ADORA2A: variants seen among roughly 807,000 people sequenced by gnomAD.
ADORA2A encodes the protein adenosine A2a receptor, also known as adenosine receptor A2a.
In ADORA2A, 11 loss-of-function variants were observed where a neutral mutation model predicts 18.4. The ratio of observed to expected loss-of-function variants is 0.60; its 90% CI spans 0.38 to 0.99. The LOEUF is 0.99. Among genes scored for constraint, ADORA2A ranks in the 50% least tolerant of loss-of-function variants. The probability of loss-of-function intolerance (pLI) is 0.01; values close to 1 mark genes in which losing one functional copy is unlikely to be tolerated. For synonymous variants in ADORA2A, 218 were observed against 237.3 expected (o/e 0.92, Z 0.75); for missense variants, 449 against 556.1 (o/e 0.81, Z 1.94).
At chr22:24,439,225 G>A (rs2043265626) in intron 2 of ADORA2A, 1 of 151,738 alleles carries the variant, frequency 6.6e-6, no homozygotes, top group Admixed American at 6.6e-5. Flanking sequence ...TGGGATTACA[G>A]GCCCCCGCCA....
At chr22:24,424,357 G>GGGAGCGTCCGTCCGTC (rs2042893981), upstream of ADORA2A, 1 of 152,008 alleles carries the variant, frequency 6.6e-6, no homozygotes, top group African/African-American at 2.4e-5. The surrounding 1 kb of genome is among the most constrained non-coding windows in gnomAD (Gnocchi z 4.9). Context: ...GTAGCGGGCG[G>GGGAGCGTCCGTCCGTC]GGAGCGTCCG....
chr22:24,428,594 C>G (rs1235736685), intron 1 of ADORA2A, among the ~76,000 whole-genome samples: 2 of 152,250 alleles, frequency 1.3e-5, no homozygotes, highest in African/African-American at 4.8e-5. Context: ...CTAAAGGTCT[C>G]TGAAATCATT....
upstream of ADORA2A, among the ~76,000 whole-genome samples, chr22:24,426,746 CA>C (rs956688707): frequency 6.6e-6 from 1 of 152,140 alleles, no homozygotes; most frequent in African/African-American, 2.4e-5. Flanking sequence ...AGCAGCAGAG[CA>C]GCTGCCCCTC....
Position 24,441,525 on chromosome 22 carries a change from G to T in ADORA2A, c.*36G>T. The T allele has an allele frequency of 6.8e-7, 1 of 1,472,490 alleles. No homozygotes were observed. Among genetic ancestry groups the T allele is most frequent in the South Asian group, 1.5e-5 (1 of 65,282 alleles). The allele number at this position is 1,472,490 out of a possible 1,614,324, so 91.2% of individuals were successfully genotyped here. A position where few individuals can be genotyped will look rare whatever the true frequency, so the allele number is the denominator to read the frequency against. ...AGTTTGCCCCTTCCTAAGGGAAGGA[G>T]ATCTTTATCTTTCTGGTTGGCTTGA... On this transcript the variant is annotated 3_prime_UTR_variant, in exon 3 of 3. Transcript: ENST00000337539.
At position 24,440,682 on chromosome 22, in the gene ADORA2A, C is replaced by G. The variant is rs8192446; in HGVS notation, c.432C>G (p.Asn144Lys). The part of the protein sequence containing the change: ...AIGLTPMLGW[N>K]NCGQPKEGKN... ...GCCTGACTCCCATGCTAGGTTGGAA[C>G]AACTGCGGTCAGCCAAAGGAGGGCA... Residue 144 changes from asparagine to lysine, a missense_variant, in exon 3 of 3, where the codon AAC becomes AAG. By Grantham distance (94) the Asn-to-Lys change is moderately conservative (BLOSUM62 0). Transcript: ENST00000337539. The G allele has an allele frequency of 6.2e-7, 1 of 1,613,512 alleles. No homozygotes were observed. The highest frequency in any genetic ancestry group is 1.3e-5 in the African/African-American group (1 of 75,048).
At chr22:24,425,337 A>ACCCCCCCCCCCCCCCCC (rs398036656), upstream of ADORA2A, among the ~76,000 whole-genome samples, 242 of 82,346 alleles carry the variant, frequency 2.9e-3, 15 homozygotes, top group African/African-American at 3.2e-3. Flanking sequence ...TGTGGGCAGC[A>ACCCCCCCCCCCCCCCCC]CCCCCCCCCC....
At chr22:24,440,510 T>C in intron 2 of ADORA2A, 73 bp from the exon 3 acceptor site, 7 of 1,435,988 alleles carry the variant, frequency 4.9e-6, no homozygotes, top group African/African-American at 1.4e-5. Flanking sequence ...CGGGTGCTGC[T>C]CTGGGGTTCT....
intron 2 of ADORA2A, among the ~76,000 whole-genome samples, chr22:24,436,588 T>C (rs1395558516): frequency 1.3e-5 from 2 of 152,180 alleles, no homozygotes; most frequent in African/African-American, 4.8e-5. Context: ...CAGGCTTCTT[T>C]TTCCAGTTCC....
Position 24,441,706 on chromosome 22 carries a change from C to A in ADORA2A, c.*217C>A. 2 of 441,666 alleles carry A rather than the reference C, an allele frequency of 4.5e-6. No homozygotes were observed. Among genetic ancestry groups the A allele is most frequent in the Non-Finnish European group, 7.8e-6 (2 of 254,938 alleles). The allele number at this position is 441,666 out of a possible 1,614,324, so 27.4% of individuals were successfully genotyped here. On this transcript the variant is annotated 3_prime_UTR_variant, in exon 3 of 3. Coordinates refer to ENST00000337539, the MANE Select transcript of ADORA2A (RefSeq NM_000675.6). ...GAAGCAGATGTTTCATGCTGTGAGG[C>A]CTTGCACCAGGTGGGGGCCACAGCA...
chr22:24,427,552 G>A (rs768605692), upstream of ADORA2A: 2 of 152,418 alleles, frequency 1.3e-5, no homozygotes, highest in Non-Finnish European at 2.9e-5. Flanking sequence ...GTGACGTGAC[G>A]TGGCTCACCA....
intron 1 of ADORA2A, chr22:24,432,277 G>C (rs1036363626): frequency 1.3e-5 from 2 of 152,588 alleles, no homozygotes; most frequent in African/African-American, 4.8e-5. Context: ...GCGGCAGTGG[G>C]AGACAGGACC....
intron 1 of ADORA2A, chr22:24,432,573 TGG>T (rs564984673): frequency 1.3e-5 from 2 of 152,150 alleles, no homozygotes; most frequent in Non-Finnish European, 2.9e-5. Flanking sequence ...AGGCTGAGCA[TGG>T]GGGGGCCAAC....
intron 2 of ADORA2A, among the ~76,000 whole-genome samples, chr22:24,435,747 G>C (rs1238103406): frequency 1.3e-5 from 2 of 152,110 alleles, no homozygotes; most frequent in African/African-American, 4.8e-5. Context: ...TCAGATCTTT[G>C]GGTTCAGAGC....
chr22:24,434,562 C>A (rs1002814009), intron 2 of ADORA2A, among the ~76,000 whole-genome samples: 1 of 152,248 alleles, frequency 6.6e-6, no homozygotes, highest in Non-Finnish European at 1.5e-5. Context: ...TCTGCCCCAC[C>A]TCCTGGCCCC....
chr22:24,434,230 C>G (rs151037936), intron 2 of ADORA2A, among the ~76,000 whole-genome samples: 13 of 152,270 alleles, frequency 8.5e-5, no homozygotes, highest in African/African-American at 2.6e-4. Context: ...TCTGGGCCAG[C>G]CTTGCAGTGT....
upstream of ADORA2A, among the ~76,000 whole-genome samples, chr22:24,426,893 T>C (rs1360112265): frequency 1.3e-5 from 2 of 152,122 alleles, no homozygotes; most frequent in Non-Finnish European, 2.9e-5. Flanking sequence ...TTTCTGTGAG[T>C]TGCCATGGGG....
chr22:24,433,833 C>A, intron 2 of ADORA2A, 97 bp downstream of exon 2: 1 of 1,379,018 alleles, frequency 7.3e-7, no homozygotes, highest in Non-Finnish European at 9.8e-7. Context: ...AGGGCCTGGT[C>A]TGCAGTGTCA....
At chr22:24,434,051 G>C (rs570990319) in intron 2 of ADORA2A, among the ~76,000 whole-genome samples, 5 of 152,226 alleles carry the variant, frequency 3.3e-5, no homozygotes, top group Non-Finnish European at 7.3e-5. Context: ...ATTGGGCTTA[G>C]CAGGGAGCTG....
rs1395234692 is a variant in ADORA2A at position 24,433,314 on chromosome 22, G to A, written c.-91G>A. 2 of 1,314,866 alleles carry A rather than the reference G, an allele frequency of 1.5e-6. No individual in the cohort carries two copies. Among genetic ancestry groups the A allele is most frequent in the Non-Finnish European group, 2.1e-6 (2 of 959,270 alleles). 81.4% of individuals were successfully genotyped at this position (1,314,866 alleles called of 1,614,324 possible). A position where few individuals can be genotyped will look rare whatever the true frequency, so the allele number is the denominator to read the frequency against. On this transcript the variant is annotated 5_prime_UTR_variant, in exon 2 of 3. Coordinates refer to ENST00000337539, the MANE Select transcript of ADORA2A (RefSeq NM_000675.6). ...GTCTGGGCCCCTCCGCCTGGGCCGG[G>A]CTGGGAGCCAGGCGGGCGGCTGGGC...
Sources: allele counts gnomAD v4.1 joint callset (sites outside exome capture counted in the v4.1 genomes callset), GRCh38; gene constraint gnomAD v4.1.1; non-coding constraint Gnocchi (gnomAD v3.1); transcripts MANE v1.5; gene names NCBI Gene and HGNC (gene_info 2026-07-23, HGNC 2026-07-21).